CNTN4: variants seen among roughly 807,000 people sequenced by gnomAD.
CNTN4 encodes the protein contactin 4.
CNTN4 carries 77 observed loss-of-function variants against 122.5 expected under a neutral mutation model. The observed-to-expected ratio is 0.63, with a 90% CI of 0.52 to 0.76. The LOEUF (loss-of-function observed/expected upper bound fraction) is 0.76. CNTN4 is among the 30% of genes least tolerant of loss of function. The pLI is 0.00. For missense variants in CNTN4, 1,256 were observed against 1,259.1 expected, an observed-to-expected ratio of 1.00 and a Z score of 0.04; for synonymous variants, 512 against 447.0, an observed-to-expected ratio of 1.15 and a Z score of -1.83.
At chr3:2,472,673 A>T (rs936701316) in intron 3 of CNTN4, among the ~76,000 whole-genome samples, 1 of 152,334 alleles carries the variant, frequency 6.6e-6, no homozygotes, top group East Asian at 1.9e-4. Flanking sequence ...TTGACAATAG[A>T]AGCAATAAAT....
At chr3:2,843,662 T>G (rs1374601949) in intron 7 of CNTN4, among the ~76,000 whole-genome samples, 1 of 152,136 alleles carries the variant, frequency 6.6e-6, no homozygotes, top group Non-Finnish European at 1.5e-5. Context: ...ACCCCCCATC[T>G]CTTGCTCCTG....
intron 10 of CNTN4, among the ~76,000 whole-genome samples, chr3:2,889,893 CT>C (rs770555787): frequency 7.9e-5 from 12 of 152,204 alleles, no homozygotes; most frequent in Non-Finnish European, 1.8e-4. Context: ...GGAAAATCAA[CT>C]TTGTCACTGG....
chr3:2,349,853 T>C (rs1189256570), intron 3 of CNTN4, among the ~76,000 whole-genome samples: 1 of 152,004 alleles, frequency 6.6e-6, no homozygotes, highest in Non-Finnish European at 1.5e-5. Flanking sequence ...CTAGAGAAAT[T>C]GGAGAAGCTT....
intron 2 of CNTN4, among the ~76,000 whole-genome samples, chr3:2,167,601 C>A (rs1277848307): frequency 3.3e-5 from 5 of 152,112 alleles, no homozygotes; most frequent in African/African-American, 1.2e-4. Flanking sequence ...AAATCCAAGA[C>A]AAATGATGTA....
chr3:2,226,854 G>C (rs1292299382), intron 2 of CNTN4, among the ~76,000 whole-genome samples: 2 of 152,064 alleles, frequency 1.3e-5, no homozygotes, highest in Non-Finnish European at 2.9e-5. Context: ...TTATGTGCCA[G>C]ACATTGTTAC....
intron 2 of CNTN4, among the ~76,000 whole-genome samples, chr3:2,330,936 A>G (rs1282146451): frequency 4.6e-5 from 7 of 152,328 alleles, no homozygotes; most frequent in Middle Eastern, 3.4e-3. Flanking sequence ...GTACACTTTT[A>G]TATCACATCA....
intron 4 of CNTN4, among the ~76,000 whole-genome samples, chr3:2,684,771 G>GT (rs550947477): frequency 1.3e-3 from 205 of 152,234 alleles, no homozygotes; most frequent in Non-Finnish European, 1.8e-3. Flanking sequence ...ATTTAAAATA[G>GT]TTTAACAAAA....
chr3:2,356,905 A>G (rs1240169388), intron 3 of CNTN4, among the ~76,000 whole-genome samples: 1 of 152,196 alleles, frequency 6.6e-6, no homozygotes, highest in Non-Finnish European at 1.5e-5. Flanking sequence ...ATAAATTTTT[A>G]TAAGAGACAT....
At chr3:2,248,760 G>C (rs2040251533) in intron 2 of CNTN4, among the ~76,000 whole-genome samples, 1 of 151,962 alleles carries the variant, frequency 6.6e-6, no homozygotes. Context: ...AGAAAAGCCT[G>C]TTAAAGCGAC....
intron 3 of CNTN4, among the ~76,000 whole-genome samples, chr3:2,369,809 G>A (rs891424849): frequency 4.6e-5 from 7 of 152,084 alleles, no homozygotes; most frequent in African/African-American, 1.4e-4. Flanking sequence ...AGTAACAGTT[G>A]CATTGATTTA....
At chr3:2,497,562 G>A (rs1421291463) in intron 3 of CNTN4, among the ~76,000 whole-genome samples, 1 of 152,134 alleles carries the variant, frequency 6.6e-6, no homozygotes, top group Non-Finnish European at 1.5e-5. Flanking sequence ...GAGGATTTAG[G>A]GGTGGGAGTT....
intron 3 of CNTN4, among the ~76,000 whole-genome samples, chr3:2,550,663 CA>C: frequency 6.6e-6 from 1 of 152,266 alleles, no homozygotes; most frequent in South Asian, 2.1e-4. Context: ...ATGCTTATTG[CA>C]GCACTATTCA....
chr3:2,110,173 A>C lies in CNTN4; in HGVS notation c.-145+9534A>C, dbSNP rs552786241. ...GAGTATGGGCCTTGGAATCAGACAG[A>C]CCTGGTTTGAATCCTTGTTTTGTCT... On this transcript the variant is annotated intron_variant, in intron 2 of 24. Transcript: ENST00000418658. 1.1e-4 allele frequency among the ~76,000 whole-genome samples: 17 copies of C among 152,352 alleles called. No homozygotes were observed. The South Asian group carries it at 3.5e-3, about 32-fold the overall frequency.
intron 4 of CNTN4, among the ~76,000 whole-genome samples, chr3:2,734,308 C>T (rs545081512): frequency 6.6e-5 from 10 of 152,240 alleles, no homozygotes; most frequent in Non-Finnish European, 7.4e-5. Flanking sequence ...CAATCCTCCA[C>T]GCCTCAGCCT....
intron 13 of CNTN4, among the ~76,000 whole-genome samples, chr3:2,943,533 G>T (rs966522450): frequency 6.7e-6 from 1 of 150,156 alleles, no homozygotes; most frequent in Non-Finnish European, 1.5e-5. Flanking sequence ...GTGAATACTT[G>T]GTTATAGAGA....
At chr3:2,257,688 T>C (rs1250149530) in intron 2 of CNTN4, among the ~76,000 whole-genome samples, 2 of 152,140 alleles carry the variant, frequency 1.3e-5, no homozygotes, top group African/African-American at 4.8e-5. Context: ...AAAACACTTA[T>C]CATCACTGGT....
intron 2 of CNTN4, among the ~76,000 whole-genome samples, chr3:2,209,167 T>C (rs573086864): frequency 6.6e-6 from 1 of 152,284 alleles, no homozygotes; most frequent in African/African-American, 2.4e-5. Context: ...TGTATCCTTC[T>C]ATTTGTGGCC....
intron 14 of CNTN4, among the ~76,000 whole-genome samples, chr3:3,006,246 A>T (rs530448767): frequency 6.6e-5 from 10 of 152,198 alleles, no homozygotes; most frequent in Non-Finnish European, 1.3e-4. Context: ...TTTGAACTTC[A>T]TGTCACCCTC....
At chr3:2,649,090 G>A (rs904543742) in intron 4 of CNTN4, among the ~76,000 whole-genome samples, 2 of 152,196 alleles carry the variant, frequency 1.3e-5, no homozygotes, top group African/African-American at 4.8e-5. Context: ...GCTAGCAGAG[G>A]TTGCTTCATG....
Sources: gnomAD v4.1 joint callset for allele counts (sites outside exome capture counted in the v4.1 genomes callset) on GRCh38, gnomAD v4.1.1 for gene constraint, MANE v1.5 for transcripts, NCBI Gene and HGNC (gene_info 2026-07-23, HGNC 2026-07-21) for gene names.